Variants in NRXN1 observed in about 807,000 individuals in gnomAD.
The protein encoded by NRXN1 is neurexin 1.
A neutral mutation model predicts 150.9 loss-of-function variants in NRXN1; 39 were observed. The observed-to-expected ratio is 0.26, with a 90% CI of 0.20 to 0.34. The LOEUF is 0.34. Ranked by LOEUF, NRXN1 falls within the 10% of genes least tolerant of loss-of-function variation. The pLI, the probability that NRXN1 is intolerant of heterozygous loss-of-function variation, is 1.00. For missense variants in NRXN1, 1,815 were observed against 1,949.9 expected, an observed-to-expected ratio of 0.93 and a Z score of 1.30; for synonymous variants, 924 against 757.0, an observed-to-expected ratio of 1.22 and a Z score of -3.62.
intron 17 of NRXN1, among the ~76,000 whole-genome samples, chr2:50,308,460 TAGG>T (rs1394307244): frequency 6.6e-6 from 1 of 152,060 alleles, no homozygotes; most frequent in Non-Finnish European, 1.5e-5. Context: ...CCCAAGCAAC[TAGG>T]ACTACAGGCA....
intron 5 of NRXN1, among the ~76,000 whole-genome samples, chr2:50,757,537 T>A (rs1030829385): frequency 1.3e-5 from 2 of 151,766 alleles, no homozygotes; most frequent in Admixed American, 6.6e-5. Flanking sequence ...GATATATGAA[T>A]ACAAATTAAA....
chr2:50,131,490 T>A (rs1197137106), intron 18 of NRXN1, among the ~76,000 whole-genome samples: 1 of 152,212 alleles, frequency 6.6e-6, no homozygotes, highest in Non-Finnish European at 1.5e-5. Context: ...AAGATGCGAA[T>A]GACTCTTCCA....
At chr2:50,868,431 T>C (rs949701230) in intron 5 of NRXN1, among the ~76,000 whole-genome samples, 26 of 150,964 alleles carry the variant, frequency 1.7e-4, no homozygotes, top group Admixed American at 1.2e-3. Flanking sequence ...GGGTGAACAA[T>C]GAGAACTTAC....
At chr2:50,818,907 A>G (rs1377151021) in intron 5 of NRXN1, among the ~76,000 whole-genome samples, 1 of 152,166 alleles carries the variant, frequency 6.6e-6, no homozygotes, top group African/African-American at 2.4e-5. Context: ...GTATATAAAA[A>G]GATGATCAAT....
At chr2:49,950,070 T>C (rs1673656817) in intron 21 of NRXN1, among the ~76,000 whole-genome samples, 1 of 151,850 alleles carries the variant, frequency 6.6e-6, no homozygotes. Context: ...TGATAACCTA[T>C]GGAGCAAGAA....
chr2:50,018,411 C>T (rs2152556269), intron 21 of NRXN1, among the ~76,000 whole-genome samples: 1 of 152,060 alleles, frequency 6.6e-6, no homozygotes, highest in African/African-American at 2.4e-5. Context: ...AATGGGGGAC[C>T]AATGGAATAT....
At chr2:50,383,665 T>A (rs1350787300) in intron 17 of NRXN1, among the ~76,000 whole-genome samples, 1 of 152,040 alleles carries the variant, frequency 6.6e-6, no homozygotes, top group Non-Finnish European at 1.5e-5. Context: ...AGGTTAAGAG[T>A]GGGAAGAAAA....
chr2:50,291,180 G>C (rs2072880424), intron 17 of NRXN1, among the ~76,000 whole-genome samples: 1 of 149,818 alleles, frequency 6.7e-6, no homozygotes, highest in East Asian at 1.9e-4. Context: ...TCTGATGTTA[G>C]GAAACATTGG....
intron 17 of NRXN1, among the ~76,000 whole-genome samples, chr2:50,283,740 G>T (rs575527009): frequency 6.6e-6 from 1 of 151,964 alleles, no homozygotes; most frequent in Non-Finnish European, 1.5e-5. Flanking sequence ...TTTAATATAT[G>T]CTCTGACTGT....
In NRXN1 at chr2:50,053,604, A is replaced by G; in HGVS notation, c.3809-14T>C. The G allele has an allele frequency of 6.2e-7, 1 of 1,613,044 alleles. No individual in the cohort carries two copies. On this transcript the variant is annotated splice_polypyrimidine_tract_variant and intron_variant, in intron 20 of 22. Transcript: ENST00000401669. ...TGAGCTGACGCCCTGTAAAAATAAT[A>G]TTACATACATGCAAAAATGTTGATT...
At chr2:50,452,769 A>C (rs1194540417) in intron 17 of NRXN1, among the ~76,000 whole-genome samples, 1 of 152,198 alleles carries the variant, frequency 6.6e-6, no homozygotes, top group Non-Finnish European at 1.5e-5. Flanking sequence ...TTGTGGGTTT[A>C]AATCTCTTTA....
At chr2:50,208,080 C>T (rs1013964108) in intron 18 of NRXN1, among the ~76,000 whole-genome samples, 3 of 152,104 alleles carry the variant, frequency 2.0e-5, no homozygotes, top group African/African-American at 4.8e-5. Flanking sequence ...CAGCCTGCAA[C>T]GGTTGGCAGG....
At chr2:50,788,895 G>A (rs1377210392) in intron 5 of NRXN1, among the ~76,000 whole-genome samples, 2 of 152,118 alleles carry the variant, frequency 1.3e-5, no homozygotes, top group Non-Finnish European at 2.9e-5. Context: ...AGTGATCATG[G>A]AAGGTTTCTC....
At chr2:50,920,126 C>A in intron 5 of NRXN1, 1 of 187,186 alleles carries the variant, frequency 5.3e-6, no homozygotes, top group Non-Finnish European at 1.2e-5. Context: ...TCTTCTCTCT[C>A]CATTTAACAG....
chr2:50,373,660 AAGAAAG>A (rs1233881521), intron 17 of NRXN1, among the ~76,000 whole-genome samples: 1 of 112,064 alleles, frequency 8.9e-6, no homozygotes, highest in Non-Finnish European at 1.8e-5. Context: ...GAAAGAAAGA[AAGAAAG>A]AAAGAAAGAA....
intron 18 of NRXN1, among the ~76,000 whole-genome samples, chr2:50,219,474 T>C (rs970947881): frequency 6.6e-6 from 1 of 151,992 alleles, no homozygotes; most frequent in Non-Finnish European, 1.5e-5. Flanking sequence ...TACAATTTTA[T>C]TGGCAATGAC....
intron 5 of NRXN1, among the ~76,000 whole-genome samples, chr2:50,838,839 C>A (rs1672463005): frequency 6.6e-6 from 1 of 152,084 alleles, no homozygotes; most frequent in Non-Finnish European, 1.5e-5. Context: ...AGAACCGAGA[C>A]AATAAATGTC....
Position 49,920,741 on chromosome 2 carries a change from T to A in NRXN1, c.*1203A>T, listed in dbSNP as rs1668051662. 1 of 128,634 alleles carries A rather than the reference T, an allele frequency of 7.8e-6. No homozygotes were observed. Among genetic ancestry groups the A allele is most frequent in the South Asian group, 2.6e-4 (1 of 3,900 alleles). The allele number at this position is 128,634 out of a possible 1,614,324, so 8.0% of individuals were successfully genotyped here. On this transcript the variant is annotated 3_prime_UTR_variant, in exon 23 of 23. Transcript: ENST00000401669. Reference sequence around the variant, plus strand: ...GTGTGTGTGTGTGTGTGTGTGTGTGTGTGAAAATAGTGAATGTATGTGGGA... The same window carrying A: ...GTGTGTGTGTGTGTGTGTGTGTGTGAGTGAAAATAGTGAATGTATGTGGGA...
At chr2:50,982,418 CAG>C (rs1696974010) in intron 2 of NRXN1, among the ~76,000 whole-genome samples, 1 of 152,188 alleles carries the variant, frequency 6.6e-6, no homozygotes, top group African/African-American at 2.4e-5. Context: ...GACTTCACAG[CAG>C]AATGTACACT....
Sources: gnomAD v4.1 joint callset for allele counts (sites outside exome capture counted in the v4.1 genomes callset) on GRCh38, gnomAD v4.1.1 for gene constraint, MANE v1.5 for transcripts, NCBI Gene and HGNC (gene_info 2026-07-23, HGNC 2026-07-21) for gene names.